FREM2: variants seen among roughly 807,000 people sequenced by gnomAD.
FREM2 encodes the protein FRAS1 related extracellular matrix 2.
Under a neutral mutation model 219.9 loss-of-function variants are expected in FREM2, and 119 were observed. The ratio of observed to expected loss-of-function variants is 0.54; its 90% CI spans 0.47 to 0.63. The LOEUF is 0.63. FREM2 is among the 30% of genes least tolerant of loss of function. The pLI is 0.00. For missense variants in FREM2, 4,030 were observed against 3,993.6 expected, an observed-to-expected ratio of 1.01 and a Z score of -0.25; for synonymous variants, 1,562 against 1,522.8, an observed-to-expected ratio of 1.03 and a Z score of -0.60.
Position 38,692,176 on chromosome 13 carries a change from C to T in FREM2, c.4832C>T (p.Ser1611Leu), listed in dbSNP as rs1168190571. Residue 1611 changes from serine (S) to leucine (L), a missense_variant, in exon 1 of 24, where the codon TCA (serine) becomes TTA (leucine). Transcript: ENST00000280481. ...AGCTACAAACATGATGGCACTGAGTCAAGTGAAGATAGCTTCTCCTTCACA... is the reference window on the plus strand; with the variant it reads ...AGCTACAAACATGATGGCACTGAGTTAAGTGAAGATAGCTTCTCCTTCACA... ...LISYKHDGTESSEDSFSFTVT... is the reference protein window; with the variant it reads ...LISYKHDGTELSEDSFSFTVT... The T allele has an allele frequency of 1.2e-6, 2 of 1,614,030 alleles. No individual in the cohort carries two copies. The highest frequency in any genetic ancestry group is 2.2e-5 in the East Asian group (1 of 44,890).
chr13:38,813,551 CTCTCTCTCTCTCTATA>C (rs1875619563), intron 6 of FREM2, among the ~76,000 whole-genome samples: 1 of 31,712 alleles, frequency 3.2e-5, no homozygotes, highest in African/African-American at 1.6e-4. Flanking sequence ...CTCTCTCTCT[CTCTCTCTCTCTCTATA>C]TATATATATA....
intron 4 of FREM2, among the ~76,000 whole-genome samples, chr13:38,773,093 T>A (rs1295002721): frequency 6.6e-6 from 1 of 152,220 alleles, no homozygotes; most frequent in African/African-American, 2.4e-5. Context: ...ATATATTTTT[T>A]AAATTATATA....
chr13:38,747,228 T>C (rs11147729), intron 2 of FREM2, among the ~76,000 whole-genome samples: 82,940 of 151,956 alleles, frequency 0.55, 26,543 homozygotes, highest in Non-Finnish European at 0.72. Context: ...AGTTATGAGA[T>C]TTTCCTCTCT....
At chr13:38,705,974 A>G (rs764066018) in intron 2 of FREM2, among the ~76,000 whole-genome samples, 10 of 152,288 alleles carry the variant, frequency 6.6e-5, no homozygotes, top group Non-Finnish European at 1.3e-4. Context: ...GCAACGTTTC[A>G]ATGCTACGGA....
intron 2 of FREM2, among the ~76,000 whole-genome samples, chr13:38,741,166 C>T (rs1872228555): frequency 1.3e-5 from 2 of 152,198 alleles, no homozygotes; most frequent in Middle Eastern, 6.8e-3. Flanking sequence ...TCAAACCCTG[C>T]AAAACACGTG....
rs371811182 is a variant in FREM2 at position 38,837,847 on chromosome 13, G to A, written c.6020-8726G>A. 1.1e-3 allele frequency among the ~76,000 whole-genome samples: 162 copies of A among 150,038 alleles called. 1 individual carries two copies. The highest frequency in any genetic ancestry group is 3.4e-3 in the African/African-American group (138 of 40,684). On this transcript the variant is annotated intron_variant, in intron 6 of 23. Coordinates refer to ENST00000280481, the MANE Select transcript of FREM2 (RefSeq NM_207361.6). ...CTCTCTCCCTTTATTTTGAGCCTAC[G>A]TGTGTCTCTGCACGTGAGATGGGTC...
Position 38,785,866 on chromosome 13 carries a change from C to T in FREM2, c.6019+1058C>T, listed in dbSNP as rs79675628. ...AGCTGTGAGAATAATAGGTATTTTA[C>T]CTTTTACTGTATGTTGTTAAAATTT... On this transcript the variant is annotated intron_variant, in intron 6 of 23. Coordinates refer to ENST00000280481, the MANE Select transcript of FREM2 (RefSeq NM_207361.6). Among the ~76,000 whole-genome samples the T allele has an allele frequency of 6.2e-3, 941 of 152,150 alleles. 8 individuals are homozygous for T. The highest frequency in any genetic ancestry group is 0.02 in the African/African-American group (829 of 41,510).
At position 38,688,476 on chromosome 13, in the gene FREM2, C is replaced by G; in HGVS notation, c.1132C>G (p.Leu378Val). The change falls in exon 1 of 24, where the codon CTG becomes GTG. Residue 378 changes from leucine (L) to valine (V), a missense_variant. By Grantham distance (32) the Leu-to-Val change is conservative. Around this residue, in one of 2 missense-constraint regions of FREM2, gnomAD observed 3,102 missense variants for 2,950.7 expected, o/e 1.05. Coordinates refer to ENST00000280481, the MANE Select transcript of FREM2 (RefSeq NM_207361.6). ...CTTGGTGAGCACCGATGATCGCAGC[C>G]TGCCCCTTTCCTCCTTCACTCAGAG... is the stretch of plus-strand genomic sequence containing the variant. ...GYLVSTDDRS[L>V]PLSSFTQRDL... 1 of 1,614,200 alleles carries G rather than the reference C, an allele frequency of 6.2e-7. No individual in the cohort carries two copies. The highest frequency in any genetic ancestry group is 8.5e-7 in the Non-Finnish European group (1 of 1,180,044).
Position 38,881,168 on chromosome 13 carries a change from G to A in FREM2, c.*381G>A. 6.8e-6 allele frequency: 2 copies of A among 294,308 alleles called. No individual in the cohort carries two copies. Among genetic ancestry groups the A allele is most frequent in the Non-Finnish European group, 1.3e-5 (2 of 153,576 alleles). The allele number at this position is 294,308 out of a possible 1,614,324, so 18.2% of individuals were successfully genotyped here. A position where few individuals can be genotyped will look rare whatever the true frequency, so the allele number is the denominator to read the frequency against. Reference sequence around the variant, plus strand: ...TGCTATGTTAGTGTGAATGTTGAAGGTGCAATTATCACATTGTTTATTAAT... The same window carrying A: ...TGCTATGTTAGTGTGAATGTTGAAGATGCAATTATCACATTGTTTATTAAT... On this transcript the variant is annotated 3_prime_UTR_variant, in exon 24 of 24. Transcript: ENST00000280481.
chr13:38,807,189 TTATATATATATA>T (rs59551341), intron 6 of FREM2, among the ~76,000 whole-genome samples: 1,030 of 45,418 alleles, frequency 0.023, 81 homozygotes, highest in African/African-American at 0.06. Context: ...CTTGTCTCTG[TTATATATATATA>T]TATATATATA....
Position 38,878,391 on chromosome 13 carries a change from A to G in FREM2, c.8859+70A>G, listed in dbSNP as rs556867038. ...GTTCAGCCTCCTTGTCTTATATTTA[A>G]AAACAAGGCTGGGCACAGTGGCCAC... On this transcript the variant is annotated intron_variant, in intron 22 of 23. Coordinates refer to ENST00000280481, the MANE Select transcript of FREM2 (RefSeq NM_207361.6). 1.9e-4 allele frequency: 204 copies of G among 1,079,504 alleles called. 11 individuals are homozygous for G. The highest frequency in any genetic ancestry group is 2.5e-4 in the Non-Finnish European group (177 of 720,420). 66.9% of individuals were successfully genotyped at this position (1,079,504 alleles called of 1,614,324 possible).
chr13:38,882,254 G>T lies in FREM2; in HGVS notation c.*1467G>T, dbSNP rs9548523. The T allele has an allele frequency of 1.3e-5, 2 of 152,032 alleles. No individual in the cohort carries two copies. The highest frequency in any genetic ancestry group is 2.9e-5 in the Non-Finnish European group (2 of 67,980). The allele number at this position is 152,032 out of a possible 1,614,324, so 9.4% of individuals were successfully genotyped here. A position where few individuals can be genotyped will look rare whatever the true frequency, so the allele number is the denominator to read the frequency against. On this transcript the variant is annotated 3_prime_UTR_variant, in exon 24 of 24. Coordinates refer to ENST00000280481, the MANE Select transcript of FREM2 (RefSeq NM_207361.6). ...ATGTTTCAAAGAAAAATAAGGTCAG[G>T]AGAAAAAGAATAATGCCTACAGATT...
intron 2 of FREM2, among the ~76,000 whole-genome samples, chr13:38,733,205 A>G (rs530175868): frequency 6.6e-6 from 1 of 152,244 alleles, no homozygotes; most frequent in Non-Finnish European, 1.5e-5. Context: ...ATCAGTTTCT[A>G]AGAGGCACTG....
At chr13:38,724,721 G>T (rs888192297) in intron 2 of FREM2, among the ~76,000 whole-genome samples, 13 of 152,096 alleles carry the variant, frequency 8.5e-5, no homozygotes, top group Non-Finnish European at 1.3e-4. Flanking sequence ...TCTTTGTTTG[G>T]CTCAACTTTG....
chr13:38,696,980 A>G (rs1870135871), intron 1 of FREM2, among the ~76,000 whole-genome samples: 1 of 151,920 alleles, frequency 6.6e-6, no homozygotes, highest in South Asian at 2.1e-4. Flanking sequence ...GCCAATTTTT[A>G]ATAGAGACAG....
At position 38,687,688 on chromosome 13, in the gene FREM2, T is replaced by C; in HGVS notation, c.344T>C (p.Leu115Pro). Residue 115 changes from leucine to proline, a missense_variant, in exon 1 of 24, where the codon CTG becomes CCG. By Grantham distance (98) the Leu-to-Pro change is moderately conservative. Around this residue, in one of 2 missense-constraint regions of FREM2, gnomAD observed 3,102 missense variants for 2,950.7 expected, o/e 1.05. Coordinates refer to ENST00000280481, the MANE Select transcript of FREM2 (RefSeq NM_207361.6). ...GTTTCGGTACTAGACAACGACGCAC[T>C]GGCCCAGCGACCGGGCCGCCTGAGT... ...CAVSVLDNDA[L>P]AQRPGRLSPK... 4 of 1,580,264 alleles carry C rather than the reference T, an allele frequency of 2.5e-6. No homozygotes were observed. The highest frequency in any genetic ancestry group is 3.4e-6 in the Non-Finnish European group (4 of 1,160,962).
At chr13:38,770,864 G>GA (rs886184189) in intron 4 of FREM2, among the ~76,000 whole-genome samples, 3 of 149,434 alleles carry the variant, frequency 2.0e-5, no homozygotes, top group South Asian at 2.1e-4. Context: ...GTTTTAAAAA[G>GA]AAAAAAAAAG....
At chr13:38,870,367 A>G (rs1415681349) in intron 16 of FREM2, among the ~76,000 whole-genome samples, 1 of 152,194 alleles carries the variant, frequency 6.6e-6, no homozygotes, top group Non-Finnish European at 1.5e-5. Context: ...AATTTAAAGT[A>G]TTGCTTGCCT....
Position 38,734,881 on chromosome 13 carries a change from G to C in FREM2, c.5264-29423G>C, listed in dbSNP as rs187925229. Among the ~76,000 whole-genome samples, 422 of 151,478 alleles carry C rather than the reference G, an allele frequency of 2.8e-3. 3 individuals are homozygous for C. The highest frequency in any genetic ancestry group is 2.9e-3 in the Non-Finnish European group (198 of 67,878). ...CCTGCCTCAACCTCCCATGTAGCTG[G>C]GACTACAGGCCTGCACCACCACGCC... On this transcript the variant is annotated intron_variant, in intron 2 of 23. Transcript: ENST00000280481.
Sources: gnomAD v4.1 joint callset for allele counts (sites outside exome capture counted in the v4.1 genomes callset) on GRCh38, gnomAD v4.1.1 for gene constraint, gnomAD v4.1.1 regional missense constraint, MANE v1.5 for transcripts, NCBI Gene and HGNC (gene_info 2026-07-23, HGNC 2026-07-21) for gene names.